The following CDH13 variants were observed in gnomAD, a reference collection of about 807,000 sequenced individuals.
CDH13 encodes the protein cadherin-13.
CDH13 carries 24 observed loss-of-function variants against 63.8 expected under a neutral mutation model. The observed-to-expected ratio is 0.38, with a 90% CI of 0.27 to 0.53. The LOEUF (loss-of-function observed/expected upper bound fraction) is 0.53, where lower values mean the gene tolerates loss of function less well. Ranked by LOEUF, CDH13 falls within the 20% of genes least tolerant of loss-of-function variation. The probability of loss-of-function intolerance (pLI) is 0.85; values close to 1 mark genes in which losing one functional copy is unlikely to be tolerated. For missense variants in CDH13, 1,049 were observed against 903.1 expected (o/e 1.16, Z -2.07); for synonymous variants, 503 against 355.3 (o/e 1.42, Z -4.67).
chr16:83,026,168 A>G lies in CDH13; in HGVS notation c.158-5842A>G, dbSNP rs564727849. Among the ~76,000 whole-genome samples the G allele has an allele frequency of 1.9e-3, 291 of 152,292 alleles. 1 individual carries two copies. The highest frequency in any genetic ancestry group is 0.017 in the Middle Eastern group (5 of 294). ...TGAAACTGCAGTTGTTCTCAGTGTG[A>G]CCTCACTTGGTACCTCTGATGATCC... is the stretch of plus-strand genomic sequence containing the variant. On this transcript the variant is annotated intron_variant, in intron 2 of 13. Transcript: ENST00000567109.
chr16:82,632,958 C>G (rs1168180839), intron 1 of CDH13, among the ~76,000 whole-genome samples: 1 of 152,142 alleles, frequency 6.6e-6, no homozygotes, highest in Non-Finnish European at 1.5e-5. Context: ...ACACAGTTCA[C>G]ACAGGATTCC....
chr16:82,873,535 C>T (rs2040411862), intron 2 of CDH13, among the ~76,000 whole-genome samples: 1 of 152,128 alleles, frequency 6.6e-6, no homozygotes, highest in Admixed American at 6.5e-5. Context: ...GGTTATATTG[C>T]CTGTCTCTGT....
intron 7 of CDH13, among the ~76,000 whole-genome samples, chr16:83,586,306 C>T (rs1284606965): frequency 1.3e-5 from 2 of 152,148 alleles, no homozygotes; most frequent in Non-Finnish European, 2.9e-5. Context: ...GATTTCCTCC[C>T]AGAGAGAGGG....
intron 2 of CDH13, among the ~76,000 whole-genome samples, chr16:82,938,465 T>G (rs1003865781): frequency 2.0e-5 from 3 of 152,214 alleles, no homozygotes; most frequent in African/African-American, 7.2e-5. Context: ...TACTGAGCTT[T>G]TGACAGAGTG....
intron 3 of CDH13, among the ~76,000 whole-genome samples, chr16:83,083,777 G>C (rs1356061326): frequency 1.3e-5 from 2 of 152,146 alleles, no homozygotes; most frequent in Admixed American, 6.5e-5. Context: ...CTCACTAGTT[G>C]TTTAACATAC....
At position 82,820,642 on chromosome 16, in the gene CDH13, C is replaced by T. The variant is rs182172780; in HGVS notation, c.46-37720C>T. ...ATCTGCTACATGACAGGTCTGTGATCAGCACTAAGGCTATAGAAATGAAAG... is the reference window on the plus strand; with the variant it reads ...ATCTGCTACATGACAGGTCTGTGATTAGCACTAAGGCTATAGAAATGAAAG... On this transcript the variant is annotated intron_variant, in intron 1 of 13. Coordinates refer to ENST00000567109, the MANE Select transcript of CDH13 (RefSeq NM_001257.5). Among the ~76,000 whole-genome samples, 63 of 152,304 alleles carry T rather than the reference C, an allele frequency of 4.1e-4. No individual in the cohort carries two copies. In the East Asian group the frequency reaches 8.7e-3, roughly 21 times the overall value.
chr16:83,477,918 A>G (rs556029867), intron 6 of CDH13, among the ~76,000 whole-genome samples: 3 of 152,284 alleles, frequency 2.0e-5, no homozygotes, highest in African/African-American at 2.4e-5. Flanking sequence ...GCGGTGGCTC[A>G]TACCTGTAAT....
chr16:82,973,361 A>T (rs1193191637), intron 2 of CDH13, among the ~76,000 whole-genome samples: 1 of 152,176 alleles, frequency 6.6e-6, no homozygotes, highest in African/African-American at 2.4e-5. Context: ...CATAGCTTTA[A>T]AGCCTGTTTG....
At chr16:83,580,514 G>A (rs1905487911) in intron 7 of CDH13, among the ~76,000 whole-genome samples, 1 of 117,790 alleles carries the variant, frequency 8.5e-6, no homozygotes, top group Non-Finnish European at 1.7e-5. Flanking sequence ...CTCTAAGTCA[G>A]GTCAGGGTCT....
chr16:83,203,504 G>A (rs2039092243), intron 4 of CDH13, among the ~76,000 whole-genome samples: 1 of 151,440 alleles, frequency 6.6e-6, no homozygotes, highest in African/African-American at 2.4e-5. Flanking sequence ...GGCTAACATG[G>A]TGAAACCCCG....
At chr16:83,753,857 AT>A (rs1567573730) in intron 11 of CDH13, among the ~76,000 whole-genome samples, 1 of 151,958 alleles carries the variant, frequency 6.6e-6, no homozygotes, top group African/African-American at 2.4e-5. Context: ...ATATAAAAAA[AT>A]CTTAATTGTA....
At chr16:83,029,311 A>G (rs1188657158) in intron 2 of CDH13, among the ~76,000 whole-genome samples, 1 of 152,158 alleles carries the variant, frequency 6.6e-6, no homozygotes, top group South Asian at 2.1e-4. Context: ...TTTGGCTTTA[A>G]CAGTGTGCTA....
intron 3 of CDH13, among the ~76,000 whole-genome samples, chr16:83,063,717 T>C (rs1229031935): frequency 1.3e-5 from 2 of 152,186 alleles, no homozygotes; most frequent in Non-Finnish European, 2.9e-5. Flanking sequence ...TATTCTGTTT[T>C]AGTTTTGGAG....
At chr16:82,861,897 T>G (rs2039961939) in intron 2 of CDH13, among the ~76,000 whole-genome samples, 1 of 152,212 alleles carries the variant, frequency 6.6e-6, no homozygotes, top group South Asian at 2.1e-4. Context: ...AGCTCCCAAC[T>G]CAGGGAAACT....
intron 4 of CDH13, among the ~76,000 whole-genome samples, chr16:83,196,630 C>T (rs1335770557): frequency 6.6e-6 from 1 of 152,090 alleles, no homozygotes; most frequent in Non-Finnish European, 1.5e-5. Flanking sequence ...TGACAAAAGA[C>T]ATAAACAGAC....
chr16:82,806,914 A>C (rs1385744419), intron 1 of CDH13, among the ~76,000 whole-genome samples: 1 of 152,208 alleles, frequency 6.6e-6, no homozygotes, highest in Admixed American at 6.5e-5. Context: ...AGCATATTCC[A>C]GCAAGGAGTG....
intron 1 of CDH13, among the ~76,000 whole-genome samples, chr16:82,775,736 T>G (rs1006246723): frequency 6.6e-6 from 1 of 152,094 alleles, no homozygotes; most frequent in African/African-American, 2.4e-5. Context: ...CTGAGATCAG[T>G]TGGGTAAAGC....
chr16:83,335,624 C>A (rs571983274), intron 5 of CDH13, among the ~76,000 whole-genome samples: 1 of 152,130 alleles, frequency 6.6e-6, no homozygotes, highest in African/African-American at 2.4e-5. Context: ...CGCAAGCAGA[C>A]GGCCCAGCGC....
In CDH13 at chr16:83,295,455, T is replaced by C. The variant is rs115877010; in HGVS notation, c.637-49407T>C. On this transcript the variant is annotated intron_variant, in intron 5 of 13. Coordinates refer to ENST00000567109, the MANE Select transcript of CDH13 (RefSeq NM_001257.5). ...CAACCTATGGAATTAAAAGAAAATA[T>C]TTGCAAACTGTACATCTGATAAAAT... is the stretch of plus-strand genomic sequence containing the variant. Among the ~76,000 whole-genome samples the C allele has an allele frequency of 3.9e-3, 588 of 152,048 alleles. 4 individuals carry two copies. The highest frequency in any genetic ancestry group is 0.01 in the African/African-American group (430 of 41,494).
Sources: allele counts gnomAD v4.1 joint callset (sites outside exome capture counted in the v4.1 genomes callset), GRCh38; gene constraint gnomAD v4.1.1; transcripts MANE v1.5; gene names NCBI Gene and HGNC (gene_info 2026-07-23, HGNC 2026-07-21).